LRRC4C: variants seen among roughly 807,000 people sequenced by gnomAD.
The protein encoded by LRRC4C is leucine-rich repeat-containing protein 4C.
In LRRC4C, 5 loss-of-function variants were observed where a neutral mutation model predicts 33.6. The observed-to-expected ratio is 0.15, with a 90% CI of 0.08 to 0.31. The LOEUF (loss-of-function observed/expected upper bound fraction) is 0.31. Among genes scored for constraint, LRRC4C ranks in the 10% least tolerant of loss-of-function variants. LRRC4C has a pLI of 1.00. For synonymous variants in LRRC4C, 329 were observed against 302.0 expected (o/e 1.09, Z -0.93); for missense variants, 560 against 796.7 (o/e 0.70, Z 3.58).
At chr11:40,377,841 T>C (rs936961409) in intron 3 of LRRC4C, among the ~76,000 whole-genome samples, 3 of 152,104 alleles carry the variant, frequency 2.0e-5, no homozygotes, top group Non-Finnish European at 2.9e-5. Flanking sequence ...TATTTTTAGT[T>C]GATAAAATTG....
chr11:40,775,327 G>C (rs532908951), intron 2 of LRRC4C, among the ~76,000 whole-genome samples: 1 of 151,926 alleles, frequency 6.6e-6, no homozygotes, highest in Non-Finnish European at 1.5e-5. Flanking sequence ...GGGGAATGGC[G>C]TGAACCCGGG....
chr11:41,030,182 T>C (rs765418630), intron 1 of LRRC4C, among the ~76,000 whole-genome samples: 7 of 152,040 alleles, frequency 4.6e-5, no homozygotes, highest in South Asian at 2.1e-4. Flanking sequence ...GCTTGAAATA[T>C]GAAAAACAGC....
At chr11:40,155,290 C>T (rs1858590266) in intron 5 of LRRC4C, among the ~76,000 whole-genome samples, 1 of 151,810 alleles carries the variant, frequency 6.6e-6, no homozygotes. Flanking sequence ...TAAGGTCACA[C>T]CTCAAGAAAC....
intron 3 of LRRC4C, among the ~76,000 whole-genome samples, chr11:40,472,095 G>A (rs576887375): frequency 2.1e-4 from 32 of 150,050 alleles, no homozygotes; most frequent in African/African-American, 7.5e-4. Context: ...GGCTAACATG[G>A]TGAAACCCTG....
chr11:41,285,567 C>G (rs1368683345), intron 1 of LRRC4C, among the ~76,000 whole-genome samples: 1 of 152,010 alleles, frequency 6.6e-6, no homozygotes, highest in Admixed American at 6.6e-5. Flanking sequence ...AATAGCATGT[C>G]CAAGGTTCAG....
At chr11:40,777,411 G>T (rs1032462287) in intron 2 of LRRC4C, among the ~76,000 whole-genome samples, 13 of 151,564 alleles carry the variant, frequency 8.6e-5, no homozygotes, top group Non-Finnish European at 1.5e-4. Flanking sequence ...TTCTAATTTG[G>T]GGTGTGTATA....
intron 1 of LRRC4C, among the ~76,000 whole-genome samples, chr11:41,123,893 A>G (rs1391746653): frequency 5.3e-5 from 8 of 152,146 alleles, no homozygotes; most frequent in African/African-American, 7.2e-5. Flanking sequence ...GTCACTTCAC[A>G]CTGTGTACTC....
chr11:41,049,575 G>A (rs1242083061), intron 1 of LRRC4C, among the ~76,000 whole-genome samples: 1 of 152,196 alleles, frequency 6.6e-6, no homozygotes, highest in Non-Finnish European at 1.5e-5. Context: ...TGGTTGCTGA[G>A]AAGTTATGAT....
At chr11:40,199,035 A>T (rs765559060) in intron 5 of LRRC4C, among the ~76,000 whole-genome samples, 1 of 152,132 alleles carries the variant, frequency 6.6e-6, no homozygotes, top group Non-Finnish European at 1.5e-5. Flanking sequence ...GGGAAGAGAG[A>T]CAGAAGTTGA....
At chr11:41,177,244 A>G (rs1353747982) in intron 1 of LRRC4C, among the ~76,000 whole-genome samples, 1 of 152,198 alleles carries the variant, frequency 6.6e-6, no homozygotes, top group Non-Finnish European at 1.5e-5. Context: ...AGAAGAGTGT[A>G]TGTTCATCAA....
At chr11:41,166,975 C>A (rs1944758527) in intron 1 of LRRC4C, among the ~76,000 whole-genome samples, 2 of 152,132 alleles carry the variant, frequency 1.3e-5, no homozygotes, top group African/African-American at 2.4e-5. Flanking sequence ...TAAAGTTTAT[C>A]TAGTGCTTAT....
chr11:41,007,375 T>C (rs1244483916), intron 1 of LRRC4C, among the ~76,000 whole-genome samples: 1 of 152,120 alleles, frequency 6.6e-6, no homozygotes, highest in East Asian at 1.9e-4. Flanking sequence ...GCTTTCTTTT[T>C]TTTTTAAACT....
intron 3 of LRRC4C, among the ~76,000 whole-genome samples, chr11:40,585,943 G>A (rs1162714310): frequency 7.3e-6 from 1 of 137,600 alleles, no homozygotes; most frequent in African/African-American, 2.7e-5. Context: ...ACGTGTGCAT[G>A]TGTCTTTATA....
intron 1 of LRRC4C, among the ~76,000 whole-genome samples, chr11:41,216,503 A>T (rs1947070909): frequency 6.6e-6 from 1 of 151,884 alleles, no homozygotes; most frequent in Non-Finnish European, 1.5e-5. Flanking sequence ...AATAGATTTC[A>T]CTAACTGCTA....
intron 1 of LRRC4C, among the ~76,000 whole-genome samples, chr11:41,346,459 C>A (rs1486618151): frequency 6.6e-6 from 1 of 152,196 alleles, no homozygotes; most frequent in Non-Finnish European, 1.5e-5. Context: ...AAATAGACTT[C>A]TACCTGGTCC....
chr11:40,823,085 A>C (rs1003218367), intron 2 of LRRC4C, among the ~76,000 whole-genome samples: 3 of 151,790 alleles, frequency 2.0e-5, no homozygotes, highest in Non-Finnish European at 4.4e-5. Context: ...TTCAATGTCA[A>C]AATGTTAATA....
intron 2 of LRRC4C, among the ~76,000 whole-genome samples, chr11:40,881,747 CTG>C (rs1288556252): frequency 3.3e-5 from 5 of 151,738 alleles, no homozygotes; most frequent in Admixed American, 6.6e-5. Context: ...TTAATCACCT[CTG>C]TGAAATTTTG....
chr11:41,052,426 C>T (rs935129114), intron 1 of LRRC4C, among the ~76,000 whole-genome samples: 11 of 151,600 alleles, frequency 7.3e-5, no homozygotes, highest in African/African-American at 2.7e-4. Context: ...GACCTTACAG[C>T]CAAATCCAGT....
chr11:41,253,426 G>A (rs766958407), intron 1 of LRRC4C, among the ~76,000 whole-genome samples: 5 of 152,020 alleles, frequency 3.3e-5, no homozygotes, highest in Non-Finnish European at 7.4e-5. Flanking sequence ...TTTCATATGA[G>A]TTCACGTTTA....
Sources: gnomAD v4.1 joint callset for allele counts (sites outside exome capture counted in the v4.1 genomes callset) on GRCh38, gnomAD v4.1.1 for gene constraint, MANE v1.5 for transcripts, NCBI Gene and HGNC (gene_info 2026-07-23, HGNC 2026-07-21) for gene names.